Variants in NLGN1 observed in about 807,000 individuals in gnomAD.
The protein encoded by NLGN1 is neuroligin-1.
A neutral mutation model predicts 65.5 loss-of-function variants in NLGN1; 12 were observed. That is an observed-to-expected ratio of 0.18 (90% CI 0.12 to 0.30). NLGN1 has a LOEUF of 0.30. Ranked by LOEUF, NLGN1 falls within the 10% of genes least tolerant of loss-of-function variation. NLGN1 has a pLI of 1.00. For missense variants in NLGN1, 750 were observed against 1,007.1 expected (o/e 0.74, Z 3.46); for synonymous variants, 350 against 359.5 (o/e 0.97, Z 0.30).
chr3:173,945,241 C>G (rs556014390), intron 4 of NLGN1, among the ~76,000 whole-genome samples: 1 of 152,008 alleles, frequency 6.6e-6, no homozygotes, highest in Admixed American at 6.6e-5. Context: ...GAACAGGAAC[C>G]AAAAACTCTG....
At chr3:173,575,038 C>T (rs1353784493) in intron 2 of NLGN1, among the ~76,000 whole-genome samples, 3 of 152,078 alleles carry the variant, frequency 2.0e-5, no homozygotes, top group African/African-American at 4.8e-5. Context: ...TCTCATGCCA[C>T]CATGCCGGGC....
chr3:174,052,846 C>A (rs1411985144), intron 4 of NLGN1, among the ~76,000 whole-genome samples: 1 of 151,976 alleles, frequency 6.6e-6, no homozygotes, highest in African/African-American at 2.4e-5. Context: ...CACAATTTGG[C>A]TTAATCAGTG....
At chr3:173,699,013 T>C (rs1173006731) in intron 3 of NLGN1, among the ~76,000 whole-genome samples, 1 of 152,056 alleles carries the variant, frequency 6.6e-6, no homozygotes, top group Non-Finnish European at 1.5e-5. Context: ...TGCGCCACCT[T>C]GCCCAGCTAA....
chr3:174,164,488 C>G (rs1053783075), intron 4 of NLGN1, among the ~76,000 whole-genome samples: 1 of 151,772 alleles, frequency 6.6e-6, no homozygotes, highest in Admixed American at 6.6e-5. Flanking sequence ...ATTCTTACAG[C>G]TTGAGGTCTT....
At chr3:173,410,021 C>A (rs969666078) in intron 1 of NLGN1, among the ~76,000 whole-genome samples, 1 of 152,114 alleles carries the variant, frequency 6.6e-6, no homozygotes, top group Admixed American at 6.5e-5. Flanking sequence ...GGGAAAACAA[C>A]CAAACTTGTT....
chr3:173,677,403 C>T (rs898657858), intron 3 of NLGN1, among the ~76,000 whole-genome samples: 4 of 151,962 alleles, frequency 2.6e-5, no homozygotes, highest in African/African-American at 9.7e-5. Context: ...ATCAATCATT[C>T]CTTTGTCTGC....
At chr3:173,764,222 G>A (rs1412218131) in intron 3 of NLGN1, among the ~76,000 whole-genome samples, 1 of 152,104 alleles carries the variant, frequency 6.6e-6, no homozygotes, top group Non-Finnish European at 1.5e-5. Context: ...TTTAAAATAG[G>A]TCAAAACTGG....
intron 2 of NLGN1, among the ~76,000 whole-genome samples, chr3:173,441,376 C>T (rs1577476469): frequency 1.3e-5 from 2 of 152,228 alleles, no homozygotes; most frequent in South Asian, 2.1e-4. Flanking sequence ...TAGCTTTTGG[C>T]CTATTTTGGT....
At chr3:173,560,120 T>G (rs1178178047) in intron 2 of NLGN1, among the ~76,000 whole-genome samples, 1 of 152,034 alleles carries the variant, frequency 6.6e-6, no homozygotes, top group Non-Finnish European at 1.5e-5. Context: ...ATTTTTTGTA[T>G]TTTTAGTAGA....
chr3:173,569,434 TC>T (rs1342043711), intron 2 of NLGN1, among the ~76,000 whole-genome samples: 1 of 152,010 alleles, frequency 6.6e-6, no homozygotes, highest in Non-Finnish European at 1.5e-5. Context: ...TCAAGTTCTA[TC>T]AAAAATCTTT....
At chr3:174,142,360 T>C (rs987424444) in intron 4 of NLGN1, among the ~76,000 whole-genome samples, 5 of 152,226 alleles carry the variant, frequency 3.3e-5, no homozygotes, top group Non-Finnish European at 1.5e-5. Context: ...TGTTTGTTTT[T>C]CTCTTTAATT....
At chr3:173,491,904 C>T (rs186583849) in intron 2 of NLGN1, among the ~76,000 whole-genome samples, 2 of 151,862 alleles carry the variant, frequency 1.3e-5, no homozygotes, top group Admixed American at 1.3e-4. Context: ...ATATCCTATG[C>T]TATAACACCA....
intron 3 of NLGN1, among the ~76,000 whole-genome samples, chr3:173,715,861 T>C (rs1324669755): frequency 1.3e-5 from 2 of 148,498 alleles, no homozygotes; most frequent in Non-Finnish European, 3.0e-5. Context: ...TGTCACAACA[T>C]TATGAAAACA....
chr3:174,071,801 C>A (rs2152535519), intron 4 of NLGN1, among the ~76,000 whole-genome samples: 1 of 151,756 alleles, frequency 6.6e-6, no homozygotes, highest in East Asian at 1.9e-4. Flanking sequence ...TCAGTTCATT[C>A]CGTTATTTAT....
At position 174,200,464 on chromosome 3, in the gene NLGN1, C is replaced by T. The variant is rs76460205; in HGVS notation, c.647-74851C>T. Among the ~76,000 whole-genome samples the T allele has an allele frequency of 7.6e-3, 1,163 of 152,218 alleles. 12 individuals are homozygous for T. The highest frequency in any genetic ancestry group is 0.024 in the African/African-American group (998 of 41,514). On this transcript the variant is annotated intron_variant, in intron 4 of 6. Transcript: ENST00000457714. Reference sequence around the variant, plus strand: ...AAATGTAAACTAAGTTCTTACTGTGCATGAAGCTCTTTTTAAATGCTTTGA... The same window carrying T: ...AAATGTAAACTAAGTTCTTACTGTGTATGAAGCTCTTTTTAAATGCTTTGA...
At chr3:174,055,899 A>C (rs1735954855) in intron 4 of NLGN1, among the ~76,000 whole-genome samples, 1 of 151,842 alleles carries the variant, frequency 6.6e-6, no homozygotes, top group Non-Finnish European at 1.5e-5. Flanking sequence ...ATAAAAGTGG[A>C]CATTGATTTT....
intron 3 of NLGN1, among the ~76,000 whole-genome samples, chr3:173,797,268 T>C (rs1014549992): frequency 1.3e-5 from 2 of 152,148 alleles, no homozygotes; most frequent in Non-Finnish European, 2.9e-5. Flanking sequence ...TTTCTTCTTA[T>C]AATCAGTTTT....
At chr3:174,209,287 T>C (rs1736002851) in intron 4 of NLGN1, among the ~76,000 whole-genome samples, 1 of 152,186 alleles carries the variant, frequency 6.6e-6, no homozygotes, top group African/African-American at 2.4e-5. Context: ...CCTACCTCCA[T>C]CCTTCCTTCT....
At chr3:173,609,488 T>C (rs1223835417) in intron 3 of NLGN1, among the ~76,000 whole-genome samples, 1 of 151,946 alleles carries the variant, frequency 6.6e-6, no homozygotes, top group Non-Finnish European at 1.5e-5. Flanking sequence ...TGGTTGTCTA[T>C]TTAACATAGG....
Sources: gnomAD v4.1 joint callset for allele counts (sites outside exome capture counted in the v4.1 genomes callset) on GRCh38, gnomAD v4.1.1 for gene constraint, MANE v1.5 for transcripts, NCBI Gene and HGNC (gene_info 2026-07-23, HGNC 2026-07-21) for gene names.